Variants in MAX observed in about 807,000 individuals in gnomAD.
MAX encodes the protein protein max.
MAX carries 3 observed loss-of-function variants against 22.3 expected under a neutral mutation model. The observed-to-expected ratio is 0.13, with a 90% CI of 0.06 to 0.35. The LOEUF (loss-of-function observed/expected upper bound fraction) is 0.35. MAX is among the 10% of genes least tolerant of loss of function. The probability of loss-of-function intolerance (pLI) is 1.00; values close to 1 mark genes in which losing one functional copy is unlikely to be tolerated. For synonymous variants in MAX, 72 were observed against 77.7 expected, an observed-to-expected ratio of 0.93 and a Z score of 0.39; for missense variants, 119 against 209.4, an observed-to-expected ratio of 0.57 and a Z score of 2.66.
At chr14:65,046,223 GC>G (rs2062473783) in intron 3 of MAX, among the ~76,000 whole-genome samples, 1 of 151,802 alleles carries the variant, frequency 6.6e-6, no homozygotes, top group South Asian at 2.1e-4. Flanking sequence ...TGATCTGTCC[GC>G]CTTGGCCTCC....
At chr14:65,061,352 CCAGT>C (rs1226990858) in intron 3 of MAX, 1 of 1,612,074 alleles carries the variant, frequency 6.2e-7, no homozygotes, top group South Asian at 1.1e-5. Context: ...ACCCATCTCC[CCAGT>C]CAGACAAGGT....
chr14:65,026,589 G>A (rs543732208), intron 3 of MAX, among the ~76,000 whole-genome samples: 1 of 152,334 alleles, frequency 6.6e-6, no homozygotes, highest in South Asian at 2.1e-4. Flanking sequence ...GCCGGATGCA[G>A]TGGCTCACAC....
At chr14:65,037,450 A>T (rs1595069290) in intron 3 of MAX, among the ~76,000 whole-genome samples, 2 of 21,104 alleles carry the variant, frequency 9.5e-5, no homozygotes, top group African/African-American at 1.7e-4. Context: ...TTTTTTTGAG[A>T]CGTCTCTTTT....
rs536103414 is a variant in MAX, at chr14:65,029,799, T to C, written c.172-23515A>G. 3.9e-5 allele frequency among the ~76,000 whole-genome samples: 6 copies of C among 152,206 alleles called. No individual in the cohort carries two copies. In the East Asian group the frequency reaches 1.2e-3, roughly 29 times the overall value. On this transcript the variant is annotated intron_variant, in intron 3 of 3. Coordinates refer to the MAX transcript ENST00000341653. This position sits in a 1 kb window ranked among gnomAD's most constrained non-coding sequence, Gnocchi z 4.7. Reference sequence around the variant, plus strand: ...GAAATCTCCTATGGAGTCTGGAGTTTAGTGATGTGATCTGATTTGTATTTT... The same window carrying C: ...GAAATCTCCTATGGAGTCTGGAGTTCAGTGATGTGATCTGATTTGTATTTT...
intron 3 of MAX, among the ~76,000 whole-genome samples, chr14:65,010,622 A>G (rs2061667912): frequency 6.6e-6 from 1 of 152,180 alleles, no homozygotes; most frequent in South Asian, 2.1e-4. Context: ...CATACTGACT[A>G]CCTACTGTTT....
At chr14:65,048,326 A>T (rs1326303109) in intron 3 of MAX, among the ~76,000 whole-genome samples, 2 of 89,336 alleles carry the variant, frequency 2.2e-5, no homozygotes, top group Non-Finnish European at 5.0e-5. Context: ...CTGTGCCTTT[A>T]AAAAAAAAAA....
intron 3 of MAX, among the ~76,000 whole-genome samples, chr14:65,037,021 G>A (rs968872614): frequency 1.3e-5 from 2 of 151,998 alleles, no homozygotes; most frequent in Non-Finnish European, 2.9e-5. Flanking sequence ...ACTCGATTTG[G>A]AAGTGCATAT....
chr14:65,066,715 A>G (rs35410051), intron 3 of MAX, among the ~76,000 whole-genome samples: 75,407 of 151,558 alleles, frequency 0.5, 21,156 homozygotes, highest in African/African-American at 0.78. Context: ...TTAGCCGCGC[A>G]TGGTGGTGCA....
chr14:65,076,432 C>T lies in MAX; in HGVS notation c.*44G>A, dbSNP rs767990726. The T allele has an allele frequency of 5.1e-5, 82 of 1,611,924 alleles. No homozygotes were observed. In the East Asian group the frequency reaches 8.7e-4, roughly 17 times the overall value. ...CCAACGAACTGAAAGGAGGATGAGA[C>T]GATGGAGACAGACAGTTTTTATTGC... On this transcript the variant is annotated 3_prime_UTR_variant, in exon 5 of 5. Transcript: ENST00000358664. This position sits in a 1 kb window ranked among gnomAD's most constrained non-coding sequence, Gnocchi z 6.6.
chr14:65,056,202 G>GTATT (rs1422202241), intron 3 of MAX, among the ~76,000 whole-genome samples: 1 of 152,094 alleles, frequency 6.6e-6, no homozygotes, highest in South Asian at 2.1e-4. Flanking sequence ...ACTTGCCATT[G>GTATT]TATTTTTGAG....
Position 65,031,738 on chromosome 14 carries a change from T to A in MAX, c.172-25454A>T, listed in dbSNP as rs1477760753. ...GAGTTTGAAACCAGCCTAGCCAACA[T>A]GGCGAAACCCCATCTCCACTAAAAA... On this transcript the variant is annotated intron_variant, in intron 3 of 3. Coordinates refer to the MAX transcript ENST00000341653. The surrounding 1 kb of genome is among the most constrained non-coding windows in gnomAD (Gnocchi z 4.6). Among the ~76,000 whole-genome samples, 1 of 152,076 alleles carries A rather than the reference T, an allele frequency of 6.6e-6. No homozygotes were observed. The highest frequency in any genetic ancestry group is 2.4e-5 in the African/African-American group (1 of 41,436).
rs572226016 is a variant in MAX at position 65,066,898 on chromosome 14, G to A, written c.171+26810C>T. On this transcript the variant is annotated intron_variant, in intron 3 of 3. Transcript: ENST00000341653. The stretch of plus-strand genomic sequence containing the variant: ...AAAAAAACAATGTATTTTTTAGTTC[G>A]GGTGTGATGGCTCATGACTGTAATC... 1.8e-4 allele frequency among the ~76,000 whole-genome samples: 27 copies of A among 149,670 alleles called. No homozygotes were observed. In the South Asian group the frequency reaches 1.9e-3, roughly 11 times the overall value.
chr14:65,042,605 G>A (rs1158328974), intron 3 of MAX, among the ~76,000 whole-genome samples: 1 of 152,216 alleles, frequency 6.6e-6, no homozygotes, highest in African/African-American at 2.4e-5. Context: ...GCCTGGCATG[G>A]TCTGGGGGTT....
downstream of MAX, among the ~76,000 whole-genome samples, chr14:65,072,524 C>T (rs772310815): frequency 6.6e-5 from 10 of 152,166 alleles, no homozygotes; most frequent in Non-Finnish European, 1.2e-4. Context: ...TTTGGTTCCC[C>T]GGGTTATATT....
chr14:65,059,203 T>G (rs888474422), intron 3 of MAX, among the ~76,000 whole-genome samples: 1 of 152,082 alleles, frequency 6.6e-6, no homozygotes, highest in African/African-American at 2.4e-5. Context: ...TTAAATTTTT[T>G]GTAGAGACAG....
chr14:65,015,791 TTTTG>T (rs1463997812), intron 3 of MAX: 1 of 1,546,440 alleles, frequency 6.5e-7, no homozygotes, highest in Non-Finnish European at 8.9e-7. Context: ...TTTGTTTCTG[TTTTG>T]TTTGTTTGGA....
intron 3 of MAX, chr14:65,061,383 A>C (rs961488871): frequency 1.7e-5 from 27 of 1,598,468 alleles, no homozygotes; most frequent in Non-Finnish European, 2.3e-5. Context: ...GTTTCAATAC[A>C]TACTGCATTC....
In MAX at chr14:65,032,529, G is replaced by C; in HGVS notation, c.172-26245C>G. 2 of 1,512,526 alleles carry C rather than the reference G, an allele frequency of 1.3e-6. No homozygotes were observed. The highest frequency in any genetic ancestry group is 1.8e-6 in the Non-Finnish European group (2 of 1,118,184). 93.7% of individuals were successfully genotyped at this position (1,512,526 alleles called of 1,614,324 possible). On this transcript the variant is annotated intron_variant, in intron 3 of 3. Transcript: ENST00000341653. The surrounding 1 kb of genome is among the most constrained non-coding windows in gnomAD (Gnocchi z 5.0). ...GTGATTACAGCTTACTAGGCAAGGC[G>C]AGCAGTCCGCCCGCGGAGTTCACTG...
In MAX at chr14:65,012,320, T is replaced by A; in HGVS notation, c.172-6036A>T. ...TATAAACTGTTTGTCTTTCCAGGCT[T>A]GTTTTGCAGAGGGAGAAGCACTTCC... On this transcript the variant is annotated intron_variant, in intron 3 of 3. Transcript: ENST00000341653. This position sits in a 1 kb window ranked among gnomAD's most constrained non-coding sequence, Gnocchi z 5.0. 3 of 1,614,138 alleles carry A rather than the reference T, an allele frequency of 1.9e-6. No homozygotes were observed. Among genetic ancestry groups the A allele is most frequent in the Non-Finnish European group, 2.5e-6 (3 of 1,179,972 alleles).
Sources: allele counts gnomAD v4.1 joint callset (sites outside exome capture counted in the v4.1 genomes callset), GRCh38; gene constraint gnomAD v4.1.1; non-coding constraint Gnocchi (gnomAD v3.1); transcripts MANE v1.5; gene names NCBI Gene and HGNC (gene_info 2026-07-23, HGNC 2026-07-21).